Variants in MGAT4C observed in about 807,000 individuals in gnomAD.
The protein encoded by MGAT4C is alpha-1,3-mannosyl-glycoprotein 4-beta-N-acetylglucosaminyltransferase C.
MGAT4C carries 19 observed loss-of-function variants against 40.1 expected under a neutral mutation model. That is an observed-to-expected ratio of 0.47 (90% confidence interval 0.33 to 0.70). The LOEUF is 0.70. Among genes scored for constraint, MGAT4C ranks in the 30% least tolerant of loss-of-function variants. The pLI, the probability that MGAT4C is intolerant of heterozygous loss-of-function variation, is 0.02. For synonymous variants in MGAT4C, 181 were observed against 187.1 expected, an observed-to-expected ratio of 0.97 and a Z score of 0.27; for missense variants, 491 against 563.2, an observed-to-expected ratio of 0.87 and a Z score of 1.30.
At chr12:86,422,190 A>T (rs942919892) in intron 3 of MGAT4C, among the ~76,000 whole-genome samples, 3 of 152,172 alleles carry the variant, frequency 2.0e-5, no homozygotes, top group Non-Finnish European at 4.4e-5. Flanking sequence ...AAACCTTTTT[A>T]CTCAAATCTG....
At chr12:86,396,256 A>T (rs1165690670) in intron 3 of MGAT4C, among the ~76,000 whole-genome samples, 1 of 152,174 alleles carries the variant, frequency 6.6e-6, no homozygotes, top group African/African-American at 2.4e-5. Flanking sequence ...GAGTTTATTT[A>T]TTCTGGAGTG....
At chr12:86,022,924 G>C (rs775467772) in intron 2 of MGAT4C, among the ~76,000 whole-genome samples, 1 of 152,102 alleles carries the variant, frequency 6.6e-6, no homozygotes, top group African/African-American at 2.4e-5. Flanking sequence ...AAGACAGACA[G>C]GGAGTAAGAT....
chr12:86,226,142 C>A (rs529313323), intron 1 of MGAT4C, among the ~76,000 whole-genome samples: 28 of 151,414 alleles, frequency 1.8e-4, no homozygotes, highest in South Asian at 4.2e-4. Context: ...TGTGCAGTTG[C>A]TGATATAAAG....
At chr12:86,558,877 T>C (rs192105418) in intron 2 of MGAT4C, among the ~76,000 whole-genome samples, 3 of 152,002 alleles carry the variant, frequency 2.0e-5, no homozygotes, top group Admixed American at 1.3e-4. Context: ...TTATCAGTAA[T>C]AATGTAGACT....
intron 3 of MGAT4C, among the ~76,000 whole-genome samples, chr12:86,390,527 C>T (rs927503777): frequency 6.6e-6 from 1 of 152,044 alleles, no homozygotes; most frequent in African/African-American, 2.4e-5. Context: ...TAATATAATC[C>T]TGTGTACTTA....
intron 3 of MGAT4C, among the ~76,000 whole-genome samples, chr12:86,377,002 T>G (rs1955840324): frequency 6.6e-6 from 1 of 152,106 alleles, no homozygotes. Context: ...TACATTTCAT[T>G]ATATAATTAT....
At chr12:86,454,981 G>T (rs1957487694) in intron 2 of MGAT4C, among the ~76,000 whole-genome samples, 1 of 151,810 alleles carries the variant, frequency 6.6e-6, no homozygotes, top group Non-Finnish European at 1.5e-5. Context: ...CAAAGAGGCT[G>T]GTGCTGCTTT....
At chr12:86,147,315 C>T (rs1043054629) in intron 1 of MGAT4C, among the ~76,000 whole-genome samples, 16 of 152,036 alleles carry the variant, frequency 1.1e-4, no homozygotes, top group African/African-American at 3.6e-4. Flanking sequence ...GATCTCAGCT[C>T]ACTGCAAGCT....
chr12:86,132,560 A>C (rs1825541333), intron 1 of MGAT4C, among the ~76,000 whole-genome samples: 1 of 152,086 alleles, frequency 6.6e-6, no homozygotes, highest in Non-Finnish European at 1.5e-5. Flanking sequence ...TTGGGATGCC[A>C]AGGAGGGCAG....
chr12:86,791,822 A>G (rs1952027748), intron 1 of MGAT4C, among the ~76,000 whole-genome samples: 1 of 152,150 alleles, frequency 6.6e-6, no homozygotes, highest in Non-Finnish European at 1.5e-5. Flanking sequence ...ACCTCTGAAA[A>G]GAAACATCCA....
In MGAT4C at chr12:85,979,372, C is replaced by T. The variant is rs1884266371; in HGVS notation, c.1354G>A (p.Asp452Asn). The T allele has an allele frequency of 1.2e-6, 2 of 1,612,546 alleles. No individual in the cohort carries two copies. The highest frequency in any genetic ancestry group is 1.7e-6 in the Non-Finnish European group (2 of 1,179,046). ...ACATATATCCTCATACAATGTATATCAAATGGAATTTTTTGATTTACACCT... is the reference window on the plus strand; with the variant it reads ...ACATATATCCTCATACAATGTATATTAAATGGAATTTTTTGATTTACACCT... Reference protein sequence around the residue: ...MSGVNQKIPFDIHCMRIYVTK... With the variant: ...MSGVNQKIPFNIHCMRIYVTK... Residue 452 changes from aspartate (D) to asparagine (N), a missense_variant, in exon 5 of 5, where the codon GAT becomes AAT. Asp to Asn is a conservative substitution (Grantham distance 23). Transcript: ENST00000611864.
At chr12:86,787,544 G>T (rs1951953191) in intron 1 of MGAT4C, among the ~76,000 whole-genome samples, 1 of 151,706 alleles carries the variant, frequency 6.6e-6, no homozygotes, top group African/African-American at 2.4e-5. Flanking sequence ...TAGTCATCAG[G>T]TACATGCAAA....
intron 1 of MGAT4C, among the ~76,000 whole-genome samples, chr12:86,734,755 A>C (rs910943782): frequency 1.3e-5 from 2 of 152,058 alleles, no homozygotes; most frequent in African/African-American, 2.4e-5. Context: ...GTGAGAAATA[A>C]ATGATTGTTG....
intron 1 of MGAT4C, among the ~76,000 whole-genome samples, chr12:86,249,694 T>C (rs1251646459): frequency 6.6e-6 from 1 of 152,148 alleles, no homozygotes; most frequent in East Asian, 1.9e-4. Context: ...CCTTTGCTTA[T>C]GATAAGCAAC....
intron 2 of MGAT4C, among the ~76,000 whole-genome samples, chr12:86,563,642 G>A (rs534802157): frequency 1.6e-4 from 24 of 152,284 alleles, no homozygotes; most frequent in African/African-American, 5.5e-4. Context: ...TCCCCAAGGA[G>A]ACCTCTGGTC....
chr12:86,021,064 C>G (rs1889676466), intron 2 of MGAT4C, among the ~76,000 whole-genome samples: 1 of 152,094 alleles, frequency 6.6e-6, no homozygotes, highest in African/African-American at 2.4e-5. Flanking sequence ...GTTAGAATGG[C>G]ACTCATTAAA....
chr12:86,368,854 C>A (rs765275095), intron 3 of MGAT4C, among the ~76,000 whole-genome samples: 10 of 151,900 alleles, frequency 6.6e-5, no homozygotes, highest in Non-Finnish European at 1.3e-4. Flanking sequence ...AAAATAGATT[C>A]TGCTGCTATT....
chr12:86,464,523 C>T (rs2136298422), intron 2 of MGAT4C, among the ~76,000 whole-genome samples: 1 of 152,236 alleles, frequency 6.6e-6, no homozygotes, highest in East Asian at 1.9e-4. Flanking sequence ...AATTCACCTG[C>T]ACTAAAGTTT....
intron 3 of MGAT4C, among the ~76,000 whole-genome samples, chr12:86,425,362 G>T (rs1956906319): frequency 6.6e-6 from 1 of 152,088 alleles, no homozygotes; most frequent in Non-Finnish European, 1.5e-5. Context: ...GAGTTCTCAC[G>T]AGATCTGATG....
Sources: gnomAD v4.1 joint callset for allele counts (sites outside exome capture counted in the v4.1 genomes callset) on GRCh38, gnomAD v4.1.1 for gene constraint, MANE v1.5 for transcripts, NCBI Gene and HGNC (gene_info 2026-07-23, HGNC 2026-07-21) for gene names.